NECAP1: variants seen among roughly 807,000 people sequenced by gnomAD.
NECAP1 encodes NECAP endocytosis associated 1.
Under a neutral mutation model 33.4 loss-of-function variants are expected in NECAP1, and 13 were observed. The ratio of observed to expected loss-of-function variants is 0.39; its 90% confidence interval spans 0.25 to 0.62. The LOEUF is 0.62. Among genes scored for constraint, NECAP1 ranks in the 20% least tolerant of loss-of-function variants. The pLI is 0.52. For synonymous variants in NECAP1, 109 were observed against 125.2 expected, an observed-to-expected ratio of 0.87 and a Z score of 0.86; for missense variants, 272 against 347.4, an observed-to-expected ratio of 0.78 and a Z score of 1.73.
chr12:8,089,773 T>C (rs1591595811), intron 1 of NECAP1, 163 bp from the exon 2 acceptor site: 1 of 631,910 alleles, frequency 1.6e-6, no homozygotes, highest in Non-Finnish European at 2.8e-6. Context: ...TTGGACTGTA[T>C]GTAACATGAG....
At position 8,082,375 on chromosome 12, in the gene NECAP1, C is replaced by T. The variant is rs769861174; in HGVS notation, c.87C>T (p.Arg29=). ...VYRIPPRASN[R]GYRASDWKLD... ...GGATTCCGCCCCGGGCCTCCAACCG[C>T]GGTTACAGGTACTAACCCCGAGGCG... The change falls in exon 1 of 8, where the codon CGC becomes CGT. Residue 29 remains arginine, a synonymous_variant. Coordinates refer to ENST00000339754, the MANE Select transcript of NECAP1 (RefSeq NM_015509.4). 1.2e-6 allele frequency: 2 copies of T among 1,613,690 alleles called. No homozygotes were observed. The highest frequency in any genetic ancestry group is 1.3e-5 in the African/African-American group (1 of 75,042).
intron 3 of NECAP1, 54 bp downstream of exon 3, chr12:8,090,353 C>T: frequency 6.9e-7 from 1 of 1,446,308 alleles, no homozygotes; most frequent in Non-Finnish European, 9.7e-7. Context: ...GGTGAATGCA[C>T]AGCCATGAAA....
Position 8,092,695 on chromosome 12 carries a change from G to C in NECAP1, c.403G>C (p.Glu135Gln). 1 of 1,613,506 alleles carries C rather than the reference G, an allele frequency of 6.2e-7. No homozygotes were observed. Among genetic ancestry groups the C allele is most frequent in the Non-Finnish European group, 8.5e-7 (1 of 1,179,584 alleles). Residue 135 changes from glutamate (E) to glutamine (Q), a missense_variant, in exon 5 of 8, where the codon GAG (glutamate) becomes CAG (glutamine). By Grantham distance (29) the Glu-to-Gln change is conservative (BLOSUM62 2). Transcript: ENST00000339754. ...DHFKWVKQES[E>Q]ISKESQEMDA... ...CCAAAGGTGGGTAAAGCAGGAATCTGAGATTTCCAAGGAATCTCAAGAAAT... is the reference window on the plus strand; with the variant it reads ...CCAAAGGTGGGTAAAGCAGGAATCTCAGATTTCCAAGGAATCTCAAGAAAT...
intron 3 of NECAP1, chr12:8,091,436 C>G (rs1947543021): frequency 3.3e-6 from 1 of 298,542 alleles, no homozygotes; most frequent in Non-Finnish European, 6.3e-6. Context: ...TTTCCTGCAA[C>G]TAGACGGGGG....
intron 4 of NECAP1, chr12:8,092,413 A>G (rs897935585): frequency 2.6e-6 from 1 of 385,248 alleles, no homozygotes; most frequent in Admixed American, 4.3e-5. Context: ...AACTGTGGGG[A>G]ATGGGAATTG....
chr12:8,088,213 G>A (rs749639416), intron 1 of NECAP1, among the ~76,000 whole-genome samples: 2 of 152,024 alleles, frequency 1.3e-5, no homozygotes, highest in Non-Finnish European at 2.9e-5. Flanking sequence ...TCTTGAACTC[G>A]TCTCATATAT....
intron 6 of NECAP1, among the ~76,000 whole-genome samples, chr12:8,094,057 A>T (rs532135219): frequency 6.6e-6 from 1 of 152,206 alleles, no homozygotes; most frequent in Non-Finnish European, 1.5e-5. Flanking sequence ...GTGTCTTAGA[A>T]TCTGAGAATT....
chr12:8,083,729 G>GTGTTT, intron 1 of NECAP1, among the ~76,000 whole-genome samples: 7 of 91,186 alleles, frequency 7.7e-5, no homozygotes, highest in East Asian at 6.5e-4. Flanking sequence ...CCCAGCCGTC[G>GTGTTT]TTTTTTTTTT....
chr12:8,090,320 A>G, intron 3 of NECAP1, 21 bp downstream of exon 3: 2 of 1,599,568 alleles, frequency 1.3e-6, no homozygotes, highest in Middle Eastern at 1.7e-4. Flanking sequence ...TGGGATTTTG[A>G]GTGGAACGAA....
chr12:8,093,941 C>T (rs1236090017), intron 6 of NECAP1: 2 of 152,114 alleles, frequency 1.3e-5, no homozygotes, highest in Admixed American at 1.3e-4. Flanking sequence ...CACTTTCATT[C>T]TTTCTTTCTG....
At chr12:8,094,500 A>G (rs1034044735) in intron 6 of NECAP1, among the ~76,000 whole-genome samples, 1 of 152,138 alleles carries the variant, frequency 6.6e-6, no homozygotes, top group African/African-American at 2.4e-5. Flanking sequence ...AGGGTCTCAC[A>G]CTGTTGCCCA....
In NECAP1 at chr12:8,097,737, G is replaced by A. The variant is rs1402082860; in HGVS notation, c.*1647G>A. ...TGTATATAAAGTGTATGCTGTATTG[G>A]TGCAATAATGGTAATTAAAAATATG... On this transcript the variant is annotated 3_prime_UTR_variant, in exon 8 of 8. Transcript: ENST00000339754. The A allele has an allele frequency of 1.3e-5, 2 of 152,540 alleles. No homozygotes were observed. The highest frequency in any genetic ancestry group is 1.5e-5 in the Non-Finnish European group (1 of 68,042). 9.4% of individuals were successfully genotyped at this position (152,540 alleles called of 1,614,324 possible). A position where few individuals can be genotyped will look rare whatever the true frequency, so the allele number is the denominator to read the frequency against.
chr12:8,094,664 C>CTACG (rs1947579678), intron 6 of NECAP1: 1 of 152,242 alleles, frequency 6.6e-6, no homozygotes, highest in African/African-American at 2.4e-5. Context: ...CAGAGTCTCA[C>CTACG]TACGTTGCCC....
chr12:8,095,741 G>A (rs376557073), intron 7 of NECAP1, 38 bp downstream of exon 7: 1 of 1,536,914 alleles, frequency 6.5e-7, no homozygotes, highest in Admixed American at 1.7e-5. Context: ...TCTCAATCAG[G>A]GTGTAGGAGA....
At chr12:8,093,949 CTGTT>C (rs1947572766) in intron 6 of NECAP1, 1 of 152,012 alleles carries the variant, frequency 6.6e-6, no homozygotes, top group South Asian at 2.1e-4. Context: ...TTCTTTCTTT[CTGTT>C]TGGTGGGAGA....
chr12:8,095,682 G>A lies in NECAP1; in HGVS notation c.758G>A (p.Gly253Glu), dbSNP rs765737930. 6 of 1,613,524 alleles carry A rather than the reference G, an allele frequency of 3.7e-6. No individual in the cohort carries two copies. In the Admixed American group the frequency reaches 5.0e-5, roughly 13 times the overall value. Residue 253 changes from glycine to glutamate, a missense_variant, in exon 7 of 8, where the codon GGA becomes GAA. Coordinates refer to ENST00000339754, the MANE Select transcript of NECAP1 (RefSeq NM_015509.4). ...TPVSVSNDLWGDFSTASSSVP... is the reference protein window; with the variant it reads ...TPVSVSNDLWEDFSTASSSVP... ...GTTTCTGTAAGCAATGACTTGTGGG[G>A]AGACTTCAGCACTGCCTCCAGGTAA...
chr12:8,091,798 A>G lies in NECAP1; in HGVS notation c.331A>G (p.Thr111Ala), dbSNP rs754771825. The G allele has an allele frequency of 6.8e-5, 110 of 1,613,916 alleles. No homozygotes were observed. Among genetic ancestry groups the G allele is most frequent in the Non-Finnish European group, 8.5e-5 (100 of 1,179,998 alleles). Residue 111 changes from threonine to alanine, a missense_variant, in exon 4 of 8, where the codon ACA (threonine) becomes GCA (alanine). Transcript: ENST00000339754. ...GRSAFIGIGF[T>A]DRGDAFDFNV... ...CAGTGCTTTCATTGGCATTGGCTTC[A>G]CAGATCGGGGAGATGCCTTCGACTT...
chr12:8,090,190 G>C lies in NECAP1; in HGVS notation c.197-5G>C, dbSNP rs1947530749. The C allele has an allele frequency of 1.2e-6, 2 of 1,614,050 alleles. No individual in the cohort carries two copies. Among genetic ancestry groups the C allele is most frequent in the Middle Eastern group, 1.7e-4 (1 of 6,060 alleles). On this transcript the variant is annotated splice_polypyrimidine_tract_variant and splice_region_variant and intron_variant, in intron 2 of 7. Transcript: ENST00000339754. Reference sequence around the variant, plus strand: ...ACTCAAAAAAGTCTTTCTCTTATCTGTCAGGGGAGCTCTTTGCTCAGGCAC... The same window carrying C: ...ACTCAAAAAAGTCTTTCTCTTATCTCTCAGGGGAGCTCTTTGCTCAGGCAC...
chr12:8,082,729 G>A, intron 1 of NECAP1: 2 of 261,470 alleles, frequency 7.6e-6, no homozygotes, highest in South Asian at 5.1e-5. Flanking sequence ...GCTCTTCCCT[G>A]CGTCCTTCAG....
Sources: gnomAD v4.1 joint callset for allele counts (sites outside exome capture counted in the v4.1 genomes callset) on GRCh38, gnomAD v4.1.1 for gene constraint, MANE v1.5 for transcripts, NCBI Gene and HGNC (gene_info 2026-07-23, HGNC 2026-07-21) for gene names.